Variants in GBE1 observed in about 807,000 individuals in gnomAD.
GBE1 encodes the protein 1,4-alpha-glucan-branching enzyme.
Under a neutral mutation model 88.8 loss-of-function variants are expected in GBE1, and 70 were observed. The observed-to-expected ratio is 0.79, with a 90% CI of 0.65 to 0.96. The LOEUF (loss-of-function observed/expected upper bound fraction) is 0.96. GBE1 is among the 40% of genes least tolerant of loss of function. The probability of loss-of-function intolerance (pLI) is 0.00; values close to 1 mark genes in which losing one functional copy is unlikely to be tolerated. For missense variants in GBE1, 872 were observed against 871.0 expected, an observed-to-expected ratio of 1.00 and a Z score of -0.01; for synonymous variants, 284 against 300.1, an observed-to-expected ratio of 0.95 and a Z score of 0.56.
intron 12 of GBE1, among the ~76,000 whole-genome samples, chr3:81,538,291 A>T (rs2106874021): frequency 6.6e-6 from 1 of 152,154 alleles, no homozygotes; most frequent in South Asian, 2.1e-4. Flanking sequence ...TTTACTGCAG[A>T]GGTGCTTTAA....
At chr3:81,631,086 C>T (rs1416589661) in intron 7 of GBE1, among the ~76,000 whole-genome samples, 1 of 151,966 alleles carries the variant, frequency 6.6e-6, no homozygotes, top group African/African-American at 2.4e-5. Flanking sequence ...TGCCATTGGT[C>T]CTAGCTACTC....
chr3:81,695,387 G>T (rs963975159), intron 2 of GBE1, among the ~76,000 whole-genome samples: 2 of 152,168 alleles, frequency 1.3e-5, no homozygotes, highest in Non-Finnish European at 2.9e-5. Flanking sequence ...AAAGAAGCCA[G>T]ACACAAAAGC....
chr3:81,679,280 T>C (rs866669672), intron 2 of GBE1, among the ~76,000 whole-genome samples: 1 of 152,194 alleles, frequency 6.6e-6, no homozygotes, highest in African/African-American at 2.4e-5. Flanking sequence ...AATACACTTA[T>C]GGTTCTGAAT....
At chr3:81,719,019 C>A (rs189026609) in intron 1 of GBE1, among the ~76,000 whole-genome samples, 36 of 152,118 alleles carry the variant, frequency 2.4e-4, no homozygotes, top group African/African-American at 8.7e-4. Context: ...CTTAGCATGT[C>A]TTAAATAATT....
intron 3 of GBE1, among the ~76,000 whole-genome samples, chr3:81,657,147 A>AC (rs1465844552): frequency 1.3e-5 from 2 of 150,304 alleles, no homozygotes; most frequent in African/African-American, 4.9e-5. Flanking sequence ...AAAAAAAAAA[A>AC]ACAAAACAAA....
At chr3:81,705,740 A>C (rs992338730) in intron 1 of GBE1, 127 bp from the exon 2 acceptor site, 1 of 551,492 alleles carries the variant, frequency 1.8e-6, no homozygotes, top group African/African-American at 2.0e-5. Flanking sequence ...GAATAATATA[A>C]ATAATTTCAT....
intron 10 of GBE1, among the ~76,000 whole-genome samples, chr3:81,585,595 G>A (rs558276899): frequency 2.6e-5 from 4 of 152,202 alleles, no homozygotes; most frequent in African/African-American, 9.6e-5. Context: ...AAAGTACCAT[G>A]TACAGTTATT....
In GBE1 at chr3:81,509,009, C is replaced by T. The variant is rs116164455; in HGVS notation, c.1935-9782G>A. 2.3e-3 allele frequency among the ~76,000 whole-genome samples: 345 copies of T among 152,208 alleles called. 4 individuals carry two copies. The highest frequency in any genetic ancestry group is 7.8e-3 in the African/African-American group (322 of 41,532). ...ACCCTATGTAGCACTGGGAAAAGTA[C>T]TCAAATTACTAGCTGCTGTGGCTAT... On this transcript the variant is annotated intron_variant, in intron 14 of 15. Transcript: ENST00000429644.
intron 2 of GBE1, among the ~76,000 whole-genome samples, chr3:81,676,127 CTG>C (rs2107122526): frequency 6.6e-6 from 1 of 152,070 alleles, no homozygotes; most frequent in South Asian, 2.1e-4. Flanking sequence ...TGCTAATCAA[CTG>C]TATGTTATTG....
chr3:81,615,413 A>G (rs1476410212), intron 7 of GBE1, among the ~76,000 whole-genome samples: 1 of 152,198 alleles, frequency 6.6e-6, no homozygotes, highest in East Asian at 1.9e-4. Context: ...TTGTTCTTTC[A>G]TAGTTGCATC....
intron 3 of GBE1, among the ~76,000 whole-genome samples, chr3:81,653,495 A>C (rs1021170128): frequency 6.6e-6 from 1 of 152,072 alleles, no homozygotes; most frequent in Non-Finnish European, 1.5e-5. Flanking sequence ...ACAAAAAAAA[A>C]ATAAAGCTAA....
intron 2 of GBE1, among the ~76,000 whole-genome samples, chr3:81,683,756 A>C (rs919194214): frequency 1.3e-5 from 2 of 152,210 alleles, no homozygotes; most frequent in Non-Finnish European, 2.9e-5. Flanking sequence ...TTTGGTAACC[A>C]ATGCCCTATG....
intron 2 of GBE1, among the ~76,000 whole-genome samples, chr3:81,680,167 T>C (rs1705316977): frequency 6.6e-6 from 1 of 152,196 alleles, no homozygotes; most frequent in Admixed American, 6.5e-5. Flanking sequence ...AACAGTATAT[T>C]AAATACTACC....
Position 81,581,285 on chromosome 3 carries a change from A to C in GBE1, c.1336-10T>G, listed in dbSNP as rs749266678. 3.5e-6 allele frequency: 5 copies of C among 1,428,788 alleles called. No homozygotes were observed. In the South Asian group the frequency reaches 6.5e-5, roughly 18 times the overall value. The allele number at this position is 1,428,788 out of a possible 1,614,324, so 88.5% of individuals were successfully genotyped here. ...TAAACTCTTTAAGTAGCTAGACACA[A>C]GAGAGAAAAATAAGCTTCTGAGTAA... On this transcript the variant is annotated splice_polypyrimidine_tract_variant and intron_variant, in intron 10 of 15. Coordinates refer to ENST00000429644, the MANE Select transcript of GBE1 (RefSeq NM_000158.4).
chr3:81,617,016 T>G (rs556328332), intron 7 of GBE1, among the ~76,000 whole-genome samples: 7 of 151,942 alleles, frequency 4.6e-5, no homozygotes, highest in African/African-American at 1.7e-4. Flanking sequence ...AAATAGTATA[T>G]TTTTTAATTT....
chr3:81,507,798 G>A (rs1702674110), intron 14 of GBE1, among the ~76,000 whole-genome samples: 1 of 152,006 alleles, frequency 6.6e-6, no homozygotes, highest in South Asian at 2.1e-4. Flanking sequence ...TGTGAACACT[G>A]TCTTCGTTAA....
intron 1 of GBE1, among the ~76,000 whole-genome samples, chr3:81,760,816 A>G (rs1230494854): frequency 6.6e-6 from 1 of 152,232 alleles, no homozygotes; most frequent in Non-Finnish European, 1.5e-5. Flanking sequence ...GGGAGAAAAA[A>G]TTGATCAATG....
intron 2 of GBE1, among the ~76,000 whole-genome samples, chr3:81,690,229 A>G (rs1451211840): frequency 2.0e-5 from 3 of 152,228 alleles, no homozygotes; most frequent in Non-Finnish European, 4.4e-5. Context: ...TCTGACATCC[A>G]CTAGACACTC....
intron 7 of GBE1, among the ~76,000 whole-genome samples, chr3:81,604,256 A>G (rs1464383454): frequency 1.3e-5 from 2 of 151,206 alleles, no homozygotes; most frequent in African/African-American, 4.9e-5. Flanking sequence ...AGACATTCAC[A>G]TAAAATATTA....
Sources: allele counts gnomAD v4.1 joint callset (sites outside exome capture counted in the v4.1 genomes callset), GRCh38; gene constraint gnomAD v4.1.1; transcripts MANE v1.5; gene names NCBI Gene and HGNC (gene_info 2026-07-23, HGNC 2026-07-21).